PAICS: variants seen among roughly 807,000 people sequenced by gnomAD.
PAICS encodes phosphoribosylaminoimidazole carboxylase and phosphoribosylaminoimidazolesuccinocarboxamide synthase.
PAICS carries 33 observed loss-of-function variants against 53.7 expected under a neutral mutation model. That is an observed-to-expected ratio of 0.61 (90% CI 0.47 to 0.82). PAICS has a LOEUF of 0.82. Among genes scored for constraint, PAICS ranks in the 40% least tolerant of loss-of-function variants. PAICS has a pLI of 0.00. For missense variants in PAICS, 394 were observed against 494.1 expected (o/e 0.80, Z 1.92); for synonymous variants, 141 against 167.2 (o/e 0.84, Z 1.21).
chr4:56,458,526 G>T (rs1719341932), intron 8 of PAICS, among the ~76,000 whole-genome samples: 1 of 152,200 alleles, frequency 6.6e-6, no homozygotes, highest in Non-Finnish European at 1.5e-5. Flanking sequence ...CACAGAAGAG[G>T]AGAATAAATT....
chr4:56,445,945 A>C (rs1718592428), intron 2 of PAICS, among the ~76,000 whole-genome samples: 1 of 152,202 alleles, frequency 6.6e-6, no homozygotes, highest in African/African-American at 2.4e-5. Flanking sequence ...TCCTAGAGAC[A>C]GGGTAGGTTG....
upstream of PAICS, among the ~76,000 whole-genome samples, chr4:56,431,166 G>A (rs1717564923): frequency 6.6e-6 from 1 of 152,120 alleles, no homozygotes. Flanking sequence ...TAGATTATGG[G>A]AGTATAAAAG....
At chr4:56,432,781 C>G (rs1259820043), upstream of PAICS, among the ~76,000 whole-genome samples, 2 of 111,710 alleles carry the variant, frequency 1.8e-5, no homozygotes. Flanking sequence ...CAGCGAGACT[C>G]TGTCTCAAAA....
At chr4:56,437,228 G>A (rs1718049124) in intron 1 of PAICS, among the ~76,000 whole-genome samples, 1 of 142,672 alleles carries the variant, frequency 7.0e-6, no homozygotes, top group Admixed American at 7.0e-5. Flanking sequence ...GAGGGGGGCT[G>A]TTTTTAGGTA....
chr4:56,460,676 G>A lies in PAICS; in HGVS notation c.*1138G>A, dbSNP rs1719465697. The stretch of plus-strand genomic sequence containing the variant: ...AGCCTATCCATGGTTTATAGATTAA[G>A]AATTGATGAGGTAGCTGGGCACAGT... On this transcript the variant is annotated 3_prime_UTR_variant, in exon 9 of 9. Transcript: ENST00000512576. 1 of 152,140 alleles carries A rather than the reference G, an allele frequency of 6.6e-6. No homozygotes were observed. Among genetic ancestry groups the A allele is most frequent in the Non-Finnish European group, 1.5e-5 (1 of 68,044 alleles). 9.4% of individuals were successfully genotyped at this position (152,140 alleles called of 1,614,324 possible). A position where few individuals can be genotyped will look rare whatever the true frequency, so the allele number is the denominator to read the frequency against.
intron 7 of PAICS, among the ~76,000 whole-genome samples, chr4:56,453,005 C>A (rs1718993127): frequency 6.6e-6 from 1 of 152,108 alleles, no homozygotes; most frequent in South Asian, 2.1e-4. Context: ...ATTGCAAATA[C>A]ATACAATTTT....
the PAICS span, among the ~76,000 whole-genome samples, chr4:56,429,839 G>T: frequency 2.0e-5 from 3 of 152,260 alleles, no homozygotes; most frequent in South Asian, 6.2e-4. Context: ...TATCACCATA[G>T]ATTAGTTTGG....
In PAICS at chr4:56,446,804, T is replaced by C. The variant is rs1413047892; in HGVS notation, c.324T>C (p.Phe108=). 1 of 1,610,246 alleles carries C rather than the reference T, an allele frequency of 6.2e-7. No individual in the cohort carries two copies. The part of the protein sequence containing the change: ...WVCRRIATGS[F]LKRNPGVKEG... ...GCAGAAGAATAGCAACTGGTTCTTT[T>C]CTCAAAAGAAATCCTGGTGTCAAGG... The change falls in exon 3 of 9, where the codon TTT becomes TTC. Residue 108 remains phenylalanine, a synonymous_variant. Coordinates refer to ENST00000512576, the MANE Select transcript of PAICS (RefSeq NM_001079524.2).
At chr4:56,441,631 A>C (rs1470961135) in intron 1 of PAICS, 32 bp from the exon 2 acceptor site, 1 of 1,125,408 alleles carries the variant, frequency 8.9e-7, no homozygotes, top group Non-Finnish European at 1.2e-6. Context: ...GAAGTTTCTG[A>C]ATTTTGGTCT....
the PAICS span, among the ~76,000 whole-genome samples, chr4:56,417,776 C>T: frequency 2.0e-5 from 3 of 150,286 alleles, no homozygotes; most frequent in Non-Finnish European, 4.4e-5. Context: ...ACAGAGTCTA[C>T]GAAAAGAAAA....
chr4:56,424,678 G>A, the PAICS span, among the ~76,000 whole-genome samples: 1 of 152,136 alleles, frequency 6.6e-6, no homozygotes, highest in Non-Finnish European at 1.5e-5. Context: ...GAGGATAAAA[G>A]GAATCAAGAA....
upstream of PAICS, among the ~76,000 whole-genome samples, chr4:56,432,653 G>C (rs1391419471): frequency 1.3e-5 from 2 of 150,644 alleles, no homozygotes; most frequent in Admixed American, 6.6e-5. Context: ...GGCGTGGTGG[G>C]GGGCGCCTGT....
At chr4:56,452,496 C>A (rs1224628507) in intron 7 of PAICS, among the ~76,000 whole-genome samples, 3 of 152,094 alleles carry the variant, frequency 2.0e-5, no homozygotes, top group Non-Finnish European at 4.4e-5. Context: ...TTAATACTCA[C>A]CTCCAAAGAG....
the PAICS span, among the ~76,000 whole-genome samples, chr4:56,427,759 G>C: frequency 1.3e-5 from 2 of 152,020 alleles, no homozygotes; most frequent in African/African-American, 4.8e-5. Context: ...CCTTCCCCCT[G>C]TCACCCCCTG....
chr4:56,446,876 A>G lies in PAICS; in HGVS notation c.393+3A>G. The G allele has an allele frequency of 6.3e-7, 1 of 1,576,430 alleles. No individual in the cohort carries two copies. Among genetic ancestry groups the G allele is most frequent in the Non-Finnish European group, 8.7e-7 (1 of 1,150,564 alleles). On this transcript the variant is annotated splice_donor_region_variant and intron_variant, in intron 3 of 8. Coordinates refer to ENST00000512576, the MANE Select transcript of PAICS (RefSeq NM_001079524.2). ...CTAAAGTGGAGTTGTTTTTCAAGGT[A>G]ATTATCTTATGCCTCTGTTTTATGT...
At chr4:56,451,436 A>C (rs548980475) in intron 6 of PAICS, among the ~76,000 whole-genome samples, 1 of 152,314 alleles carries the variant, frequency 6.6e-6, no homozygotes, top group South Asian at 2.1e-4. Flanking sequence ...TCATAATCAC[A>C]TTTGAGAACA....
At chr4:56,446,949 T>A in intron 3 of PAICS, 76 bp downstream of exon 3, 1 of 926,276 alleles carries the variant, frequency 1.1e-6, no homozygotes, top group Non-Finnish European at 1.5e-6. Context: ...TCTAAAGGTT[T>A]AAATATTCAA....
At chr4:56,413,724 C>T in the PAICS span, among the ~76,000 whole-genome samples, 33 of 151,868 alleles carry the variant, frequency 2.2e-4, no homozygotes, top group Admixed American at 1.6e-3. Flanking sequence ...GGTGAAACCC[C>T]GTCTCTACTA....
intron 8 of PAICS, among the ~76,000 whole-genome samples, chr4:56,454,684 T>C (rs950104718): frequency 6.6e-6 from 1 of 152,186 alleles, no homozygotes; most frequent in South Asian, 2.1e-4. Flanking sequence ...GCTTCTTACA[T>C]TTCTAGGTGG....
Sources: gnomAD v4.1 joint callset for allele counts (sites outside exome capture counted in the v4.1 genomes callset) on GRCh38, gnomAD v4.1.1 for gene constraint, MANE v1.5 for transcripts, NCBI Gene and HGNC (gene_info 2026-07-23, HGNC 2026-07-21) for gene names.